Variants in INPP4B observed in about 807,000 individuals in gnomAD.
INPP4B encodes inositol polyphosphate-4-phosphatase type II B.
Under a neutral mutation model 122.5 loss-of-function variants are expected in INPP4B, and 55 were observed. The observed-to-expected ratio is 0.45, with a 90% confidence interval of 0.36 to 0.56. The LOEUF (loss-of-function observed/expected upper bound fraction) is 0.56. INPP4B is among the 20% of genes least tolerant of loss of function. The pLI is 0.00. For synonymous variants in INPP4B, 403 were observed against 388.7 expected, an observed-to-expected ratio of 1.04 and a Z score of -0.43; for missense variants, 1,000 against 1,097.7, an observed-to-expected ratio of 0.91 and a Z score of 1.26.
At chr4:142,202,131 T>C (rs1028003906) in intron 14 of INPP4B, among the ~76,000 whole-genome samples, 3 of 152,006 alleles carry the variant, frequency 2.0e-5, no homozygotes, top group South Asian at 2.1e-4. Context: ...TAAAAAGTAA[T>C]AGATAAGTAG....
chr4:142,682,505 A>G (rs7695514), intron 2 of INPP4B, among the ~76,000 whole-genome samples: 100,434 of 151,720 alleles, frequency 0.66, 34,189 homozygotes, highest in East Asian at 0.81. Flanking sequence ...AAATTACATC[A>G]CTGATAAAAT....
At chr4:142,429,715 C>A (rs1808873058) in intron 4 of INPP4B, among the ~76,000 whole-genome samples, 1 of 152,016 alleles carries the variant, frequency 6.6e-6, no homozygotes, top group African/African-American at 2.4e-5. Flanking sequence ...ATAGCTCAAA[C>A]CAACATTTTG....
At chr4:142,387,090 T>C (rs1031644107) in intron 7 of INPP4B, among the ~76,000 whole-genome samples, 2 of 152,168 alleles carry the variant, frequency 1.3e-5, no homozygotes, top group Non-Finnish European at 2.9e-5. Context: ...CAGGATGTGA[T>C]TTGATCCGGT....
At chr4:142,122,306 C>A in intron 20 of INPP4B, 61 bp from the exon 21 acceptor site, 1 of 1,152,404 alleles carries the variant, frequency 8.7e-7, no homozygotes, top group Non-Finnish European at 1.3e-6. Context: ...TCACTAGCTA[C>A]TATGCCTCCC....
At chr4:142,279,887 T>C (rs377741040) in intron 9 of INPP4B, among the ~76,000 whole-genome samples, 67 of 152,054 alleles carry the variant, frequency 4.4e-4, no homozygotes, top group African/African-American at 1.5e-3. Flanking sequence ...AAAGAGCTCT[T>C]AAAATTCTAA....
At chr4:142,677,303 A>G (rs1157102113) in intron 2 of INPP4B, among the ~76,000 whole-genome samples, 2 of 152,176 alleles carry the variant, frequency 1.3e-5, no homozygotes, top group African/African-American at 4.8e-5. Flanking sequence ...ATACTATCCC[A>G]TTGTAGTTAG....
Position 142,705,263 on chromosome 4 carries a change from G to A in INPP4B, c.-191+20576C>T, listed in dbSNP as rs370139859. Among the ~76,000 whole-genome samples the A allele has an allele frequency of 9.2e-5, 14 of 152,174 alleles. No homozygotes were observed. In the East Asian group the frequency reaches 1.4e-3, roughly 15 times the overall value. ...TTGCCAATCCAGATCGTGCTTCTCCGCTGGACAGCTTCTACAGACACTTGC... is the reference window on the plus strand; with the variant it reads ...TTGCCAATCCAGATCGTGCTTCTCCACTGGACAGCTTCTACAGACACTTGC... On this transcript the variant is annotated intron_variant, in intron 2 of 25. Coordinates refer to ENST00000262992, the MANE Select transcript of INPP4B (RefSeq NM_001101669.3).
At chr4:142,053,267 C>T (rs2645798) in intron 25 of INPP4B, among the ~76,000 whole-genome samples, 120,842 of 151,682 alleles carry the variant, frequency 0.8, 50,964 homozygotes, top group Non-Finnish European at 0.92. Flanking sequence ...CACTGAACTG[C>T]TCTTAAGCAG....
intron 7 of INPP4B, among the ~76,000 whole-genome samples, chr4:142,338,954 C>T (rs1306977742): frequency 6.6e-6 from 1 of 151,656 alleles, no homozygotes; most frequent in East Asian, 1.9e-4. Flanking sequence ...ACAGAGGGTC[C>T]AGGAGGGGAG....
intron 7 of INPP4B, among the ~76,000 whole-genome samples, chr4:142,380,422 A>G (rs924848837): frequency 6.6e-6 from 1 of 152,092 alleles, no homozygotes; most frequent in African/African-American, 2.4e-5. Flanking sequence ...CCTGTCTCAC[A>G]CCCATCAGTA....
chr4:142,748,143 C>T (rs1269010491), intron 1 of INPP4B, among the ~76,000 whole-genome samples: 2 of 151,824 alleles, frequency 1.3e-5, no homozygotes, highest in Admixed American at 6.6e-5. Flanking sequence ...AATTAAATAA[C>T]CCACTTCTAA....
chr4:142,045,086 C>A (rs114829520), intron 25 of INPP4B, among the ~76,000 whole-genome samples: 2 of 152,054 alleles, frequency 1.3e-5, no homozygotes, highest in Admixed American at 1.3e-4. Context: ...TATTAGAACA[C>A]CTGTGCTGCT....
intron 25 of INPP4B, among the ~76,000 whole-genome samples, chr4:142,066,623 C>T (rs1474709397): frequency 6.6e-6 from 1 of 152,192 alleles, no homozygotes; most frequent in Admixed American, 6.5e-5. Context: ...TACTCTGACC[C>T]TAATAATGTG....
intron 2 of INPP4B, among the ~76,000 whole-genome samples, chr4:142,522,492 T>C (rs1257723174): frequency 6.6e-6 from 1 of 151,820 alleles, no homozygotes. Flanking sequence ...CTACAGGTAA[T>C]CAACACCACT....
intron 7 of INPP4B, among the ~76,000 whole-genome samples, chr4:142,323,727 G>C (rs189198321): frequency 4.0e-5 from 6 of 151,530 alleles, no homozygotes; most frequent in African/African-American, 1.2e-4. Flanking sequence ...TTACAGGCGT[G>C]AGCCACAGCG....
intron 7 of INPP4B, among the ~76,000 whole-genome samples, chr4:142,354,333 T>G (rs561075517): frequency 6.6e-6 from 1 of 152,008 alleles, no homozygotes; most frequent in Middle Eastern, 3.2e-3. Flanking sequence ...ATCCCATAAC[T>G]ATGTGCAATT....
chr4:142,522,950 T>A (rs992161139), intron 2 of INPP4B, among the ~76,000 whole-genome samples: 33 of 152,128 alleles, frequency 2.2e-4, no homozygotes, highest in Non-Finnish European at 3.7e-4. Context: ...GATTTCTTGT[T>A]GCTAGTAGCA....
At chr4:142,146,490 T>C (rs1370320125) in intron 17 of INPP4B, among the ~76,000 whole-genome samples, 1 of 152,114 alleles carries the variant, frequency 6.6e-6, no homozygotes, top group Non-Finnish European at 1.5e-5. Flanking sequence ...CTTTCAGAAC[T>C]TTTTCATCTT....
At chr4:142,738,093 G>C (rs544294015) in intron 1 of INPP4B, among the ~76,000 whole-genome samples, 228 of 152,278 alleles carry the variant, frequency 1.5e-3, no homozygotes, top group African/African-American at 5.4e-3. Flanking sequence ...ATTTGACCCA[G>C]CCATCCCATT....
Sources: gnomAD v4.1 joint callset for allele counts (sites outside exome capture counted in the v4.1 genomes callset) on GRCh38, gnomAD v4.1.1 for gene constraint, MANE v1.5 for transcripts, NCBI Gene and HGNC (gene_info 2026-07-23, HGNC 2026-07-21) for gene names.